Variants in BCKDHB observed in about 807,000 individuals in gnomAD.
BCKDHB encodes branched chain keto acid dehydrogenase E1 subunit beta.
Under a neutral mutation model 48.5 loss-of-function variants are expected in BCKDHB, and 41 were observed. The ratio of observed to expected loss-of-function variants is 0.85; its 90% CI spans 0.66 to 1.10. The LOEUF is 1.10. Among genes scored for constraint, BCKDHB ranks in the 50% least tolerant of loss-of-function variants. The pLI is 0.00. For missense variants in BCKDHB, 496 were observed against 494.2 expected (o/e 1.00, Z -0.03); for synonymous variants, 201 against 174.8 (o/e 1.15, Z -1.18).
intron 8 of BCKDHB, among the ~76,000 whole-genome samples, chr6:80,224,301 A>T (rs545777337): frequency 1.3e-5 from 2 of 152,252 alleles, no homozygotes; most frequent in Middle Eastern, 6.8e-3. Flanking sequence ...ACCATATTTC[A>T]TCTCATATTT....
intron 3 of BCKDHB, among the ~76,000 whole-genome samples, chr6:80,144,708 A>G (rs1261356876): frequency 1.3e-5 from 2 of 152,160 alleles, no homozygotes; most frequent in East Asian, 1.9e-4. Flanking sequence ...TTCTTAAAGC[A>G]TGAAGTAGAA....
chr6:80,326,003 C>A (rs1295600573), intron 9 of BCKDHB, among the ~76,000 whole-genome samples: 1 of 152,106 alleles, frequency 6.6e-6, no homozygotes, highest in African/African-American at 2.4e-5. Context: ...GACATTAGAG[C>A]AAAACCGAGG....
rs115695464 is a variant in BCKDHB at position 80,275,014 on chromosome 6, A to G, written c.1038+1793A>G. Among the ~76,000 whole-genome samples, 133 of 152,190 alleles carry G rather than the reference A, an allele frequency of 8.7e-4. 1 individual carries two copies. Among genetic ancestry groups the G allele is most frequent in the African/African-American group, 3.2e-3 (131 of 41,568 alleles). ...AAATAAGATCCTGAAATTATGTGATAATTGTCAGTTGCAAAAATTGTCAAT... is the reference window on the plus strand; with the variant it reads ...AAATAAGATCCTGAAATTATGTGATGATTGTCAGTTGCAAAAATTGTCAAT... On this transcript the variant is annotated intron_variant, in intron 9 of 9. Coordinates refer to ENST00000320393, the MANE Select transcript of BCKDHB (RefSeq NM_183050.4).
intron 8 of BCKDHB, among the ~76,000 whole-genome samples, chr6:80,205,935 A>G (rs1774636452): frequency 6.6e-6 from 1 of 151,754 alleles, no homozygotes; most frequent in African/African-American, 2.4e-5. Flanking sequence ...AGTTGGCTAC[A>G]CTTGCTATTT....
chr6:80,448,713 A>G, the BCKDHB span, among the ~76,000 whole-genome samples: 2 of 152,220 alleles, frequency 1.3e-5, no homozygotes, highest in Non-Finnish European at 2.9e-5. Context: ...AATTATCAAC[A>G]TGTTTCTGTA....
intron 3 of BCKDHB, among the ~76,000 whole-genome samples, chr6:80,130,328 G>A (rs373153203): frequency 6.6e-6 from 1 of 152,196 alleles, no homozygotes; most frequent in East Asian, 1.9e-4. Context: ...GTATTCATAC[G>A]GGGCAAGAGG....
chr6:80,300,631 TAACTC>T (rs1229033859), intron 9 of BCKDHB, among the ~76,000 whole-genome samples: 1 of 152,132 alleles, frequency 6.6e-6, no homozygotes, highest in East Asian at 1.9e-4. Flanking sequence ...CTCTGGATGT[TAACTC>T]AACATGTGAC....
chr6:80,110,829 T>C (rs910630477), intron 1 of BCKDHB, among the ~76,000 whole-genome samples: 1 of 152,194 alleles, frequency 6.6e-6, no homozygotes, highest in Admixed American at 6.5e-5. Flanking sequence ...TTGTTTTTGA[T>C]TGGGAAAATA....
At chr6:80,244,644 C>G (rs1370682216) in intron 8 of BCKDHB, among the ~76,000 whole-genome samples, 1 of 152,094 alleles carries the variant, frequency 6.6e-6, no homozygotes, top group African/African-American at 2.4e-5. Flanking sequence ...CAGATAATGT[C>G]TTCTAATAGC....
chr6:80,353,575 C>G, the BCKDHB span, among the ~76,000 whole-genome samples: 2 of 151,950 alleles, frequency 1.3e-5, no homozygotes, highest in Admixed American at 1.3e-4. Context: ...TCTTCTGTGG[C>G]CAGGCACAGT....
intron 7 of BCKDHB, among the ~76,000 whole-genome samples, chr6:80,202,303 ATC>A (rs1774434699): frequency 1.3e-5 from 2 of 151,992 alleles, no homozygotes; most frequent in Non-Finnish European, 2.9e-5. Context: ...TAGCTAGTCC[ATC>A]TCTCTCCTGC....
intron 8 of BCKDHB, among the ~76,000 whole-genome samples, chr6:80,214,648 A>C (rs2127847796): frequency 6.6e-6 from 1 of 152,248 alleles, no homozygotes; most frequent in East Asian, 1.9e-4. Flanking sequence ...CATGGTTAAT[A>C]CCACTAGGTT....
chr6:80,324,004 C>T (rs1409943399), intron 9 of BCKDHB, among the ~76,000 whole-genome samples: 2 of 152,116 alleles, frequency 1.3e-5, no homozygotes, highest in Admixed American at 6.5e-5. Flanking sequence ...GATCTCCTGA[C>T]CTCGTGATCC....
At chr6:80,388,256 T>C in the BCKDHB span, among the ~76,000 whole-genome samples, 4 of 152,180 alleles carry the variant, frequency 2.6e-5, no homozygotes, top group Non-Finnish European at 5.9e-5. Flanking sequence ...TTGGGCCATA[T>C]GATCCAGTGG....
the BCKDHB span, among the ~76,000 whole-genome samples, chr6:80,401,065 G>A: frequency 1.3e-5 from 2 of 148,784 alleles, no homozygotes; most frequent in African/African-American, 5.2e-5. Context: ...CCTATTGAAG[G>A]GTGAAGGGTG....
chr6:80,123,572 C>T (rs529461252), intron 1 of BCKDHB, among the ~76,000 whole-genome samples: 264 of 152,222 alleles, frequency 1.7e-3, no homozygotes, highest in African/African-American at 5.7e-3. Flanking sequence ...ATTTCAGAGC[C>T]TGTTATTGTT....
intron 9 of BCKDHB, among the ~76,000 whole-genome samples, chr6:80,289,599 C>T (rs9352809): frequency 0.39 from 58,488 of 151,868 alleles, 12,928 homozygotes; most frequent in Admixed American, 0.56. Context: ...TACCTGAATA[C>T]CAGGGCTAGT....
intron 9 of BCKDHB, among the ~76,000 whole-genome samples, chr6:80,308,633 C>T (rs1169100315): frequency 6.8e-6 from 1 of 146,616 alleles, no homozygotes; most frequent in African/African-American, 2.5e-5. Flanking sequence ...CTCGCTCTGT[C>T]GCCCAGGCTG....
At chr6:80,414,591 G>C in the BCKDHB span, among the ~76,000 whole-genome samples, 1 of 151,986 alleles carries the variant, frequency 6.6e-6, no homozygotes, top group African/African-American at 2.4e-5. Flanking sequence ...CATACTTCTG[G>C]GTTCTCTATT....
Sources: allele counts gnomAD v4.1 joint callset (sites outside exome capture counted in the v4.1 genomes callset), GRCh38; gene constraint gnomAD v4.1.1; transcripts MANE v1.5; gene names NCBI Gene and HGNC (gene_info 2026-07-23, HGNC 2026-07-21).